DPP6: variants seen among roughly 807,000 people sequenced by gnomAD.
DPP6 encodes dipeptidyl peptidase like 6.
DPP6 carries 69 observed loss-of-function variants against 122.6 expected under a neutral mutation model. The observed-to-expected ratio is 0.56, with a 90% CI of 0.46 to 0.69. DPP6 has a LOEUF of 0.69. DPP6 is among the 30% of genes least tolerant of loss of function. The pLI is 0.00. For synonymous variants in DPP6, 418 were observed against 433.1 expected (o/e 0.97, Z 0.43); for missense variants, 928 against 1,116.9 (o/e 0.83, Z 2.41).
the DPP6 span, among the ~76,000 whole-genome samples, chr7:153,835,790 G>C: frequency 1.3e-5 from 2 of 152,176 alleles, no homozygotes; most frequent in Admixed American, 6.5e-5. Context: ...AAAGGGAAAG[G>C]GGGTGTTACG....
At chr7:154,822,374 G>A (rs1458598614) in intron 16 of DPP6, among the ~76,000 whole-genome samples, 3 of 152,170 alleles carry the variant, frequency 2.0e-5, no homozygotes, top group Non-Finnish European at 4.4e-5. Context: ...CATGGTGGAA[G>A]GGGCAAGGGA....
chr7:154,582,019 C>G (rs937810955), intron 5 of DPP6, among the ~76,000 whole-genome samples: 1 of 152,180 alleles, frequency 6.6e-6, no homozygotes, highest in Non-Finnish European at 1.5e-5. Flanking sequence ...CCTACCACAG[C>G]CTCCTTTTCC....
intron 1 of DPP6, among the ~76,000 whole-genome samples, chr7:154,353,942 A>T (rs561447011): frequency 1.3e-5 from 2 of 152,312 alleles, no homozygotes; most frequent in Non-Finnish European, 2.9e-5. Flanking sequence ...CTTAATGTCC[A>T]AGGAGAATTC....
chr7:153,918,565 AGTCTCTCTCTCTCTCTCT>A (rs1381491868), intron 1 of DPP6, among the ~76,000 whole-genome samples: 4,464 of 57,114 alleles, frequency 0.078, 112 homozygotes, highest in Non-Finnish European at 0.098. Flanking sequence ...ACACACACAC[AGTCTCTCTCTCTCTCTCT>A]CTCTCTCTCT....
At chr7:153,819,570 C>G in the DPP6 span, among the ~76,000 whole-genome samples, 1 of 152,070 alleles carries the variant, frequency 6.6e-6, no homozygotes, top group African/African-American at 2.4e-5. Context: ...AGACACCACA[C>G]AGTACAGGCT....
chr7:154,102,547 T>A (rs984867759), intron 1 of DPP6, among the ~76,000 whole-genome samples: 1 of 152,188 alleles, frequency 6.6e-6, no homozygotes, highest in African/African-American at 2.4e-5. Context: ...GCCCCTTCAA[T>A]GGCCACTTCA....
rs1809289206 is a variant in DPP6 at position 154,335,118 on chromosome 7, C to A, written c.244-111096C>A. Among the ~76,000 whole-genome samples the A allele has an allele frequency of 3.9e-5, 6 of 152,074 alleles. 1 individual carries two copies. ...GTGACCCATAAGGGAGGGGTGAGAA[C>A]CACATGAAGATGAAGGTGGTGGAAA... On this transcript the variant is annotated intron_variant, in intron 1 of 25. Coordinates refer to ENST00000377770, the MANE Select transcript of DPP6 (RefSeq NM_130797.4).
At chr7:154,051,971 G>A (rs182374745), upstream of DPP6, among the ~76,000 whole-genome samples, 645 of 151,866 alleles carry the variant, frequency 4.2e-3, 3 homozygotes, top group Middle Eastern at 0.021. Flanking sequence ...TTAGGCAAGA[G>A]GAGCTGGGGG....
the DPP6 span, among the ~76,000 whole-genome samples, chr7:153,833,685 A>C: frequency 6.6e-6 from 1 of 151,524 alleles, no homozygotes; most frequent in Admixed American, 6.6e-5. Flanking sequence ...AAAAAAAAAA[A>C]GGTGGGGGTG....
At position 154,684,016 on chromosome 7, in the gene DPP6, G is replaced by A. The variant is rs145732768; in HGVS notation, c.762+14575G>A. Among the ~76,000 whole-genome samples the A allele has an allele frequency of 2.5e-3, 373 of 152,204 alleles. 2 individuals carry two copies. The highest frequency in any genetic ancestry group is 3.6e-3 in the Non-Finnish European group (243 of 68,004). On this transcript the variant is annotated intron_variant, in intron 7 of 25. Transcript: ENST00000377770. ...CCTGAGTAGCTGGGACCTCAGGCAC[G>A]TGCCACCATGCCTGTTTAGTTCTTG...
intron 1 of DPP6, among the ~76,000 whole-genome samples, chr7:154,172,961 C>T (rs1797613232): frequency 1.3e-5 from 2 of 152,134 alleles, no homozygotes; most frequent in Admixed American, 6.6e-5. Context: ...ATATGTGTGT[C>T]TTCCTCAGGA....
At chr7:154,382,601 G>T (rs541702109) in intron 1 of DPP6, among the ~76,000 whole-genome samples, 2 of 152,234 alleles carry the variant, frequency 1.3e-5, no homozygotes, top group Non-Finnish European at 2.9e-5. Flanking sequence ...TGCGCTCAGC[G>T]CTCAGCGCTC....
Position 154,052,749 on chromosome 7 carries a change from G to A in DPP6, c.-72G>A. The A allele has an allele frequency of 7.3e-7, 1 of 1,370,164 alleles. No individual in the cohort carries two copies. The highest frequency in any genetic ancestry group is 3.6e-5 in the East Asian group (1 of 27,828). The allele number at this position is 1,370,164 out of a possible 1,614,324, so 84.9% of individuals were successfully genotyped here. A position where few individuals can be genotyped will look rare whatever the true frequency, so the allele number is the denominator to read the frequency against. On this transcript the variant is annotated 5_prime_UTR_variant, in exon 1 of 26. Coordinates refer to ENST00000377770, the MANE Select transcript of DPP6 (RefSeq NM_130797.4). The surrounding 1 kb of genome is among the most constrained non-coding windows in gnomAD (Gnocchi z 4.8). ...TTTTTTTTTTAATCTGGAGCGGGGT[G>A]GGGAGTGGGAACCGGAGAGAAAGCA... is the stretch of plus-strand genomic sequence containing the variant.
At chr7:154,808,824 A>C (rs796775767) in intron 16 of DPP6, among the ~76,000 whole-genome samples, 14 of 152,358 alleles carry the variant, frequency 9.2e-5, no homozygotes, top group African/African-American at 3.4e-4. Context: ...CAGAAGCAGG[A>C]GGCAGCTTCA....
chr7:154,004,302 G>T (rs1253918371), intron 1 of DPP6, among the ~76,000 whole-genome samples: 1 of 152,224 alleles, frequency 6.6e-6, no homozygotes, highest in Non-Finnish European at 1.5e-5. Flanking sequence ...CTACTTCCTG[G>T]GTTCATGGAG....
chr7:154,207,865 G>C (rs12703322), intron 1 of DPP6, among the ~76,000 whole-genome samples: 90,138 of 151,726 alleles, frequency 0.59, 29,886 homozygotes, highest in Non-Finnish European at 0.73. Context: ...TGAGGCAGGA[G>C]AATCACTTGA....
chr7:154,390,048 G>T (rs756288617), intron 1 of DPP6, among the ~76,000 whole-genome samples: 5 of 152,176 alleles, frequency 3.3e-5, no homozygotes, highest in Non-Finnish European at 5.9e-5. Context: ...AGCTTTAATT[G>T]GTAGTACAAT....
At chr7:154,705,229 C>T (rs1441786428) in intron 7 of DPP6, among the ~76,000 whole-genome samples, 1 of 152,136 alleles carries the variant, frequency 6.6e-6, no homozygotes, top group Non-Finnish European at 1.5e-5. Flanking sequence ...TCAAGTTAAA[C>T]TAGACTAAAC....
chr7:154,324,774 C>T (rs1239062536), intron 1 of DPP6, among the ~76,000 whole-genome samples: 1 of 152,110 alleles, frequency 6.6e-6, no homozygotes, highest in African/African-American at 2.4e-5. Flanking sequence ...CTTTCATGGC[C>T]TGGTGTTTAT....
Sources: allele counts gnomAD v4.1 joint callset (sites outside exome capture counted in the v4.1 genomes callset), GRCh38; gene constraint gnomAD v4.1.1; non-coding constraint Gnocchi (gnomAD v3.1); transcripts MANE v1.5; gene names NCBI Gene and HGNC (gene_info 2026-07-23, HGNC 2026-07-21).